COBL: variants seen among roughly 807,000 people sequenced by gnomAD.
The protein encoded by COBL is cordon-bleu WH2 repeat protein.
Under a neutral mutation model 98.8 loss-of-function variants are expected in COBL, and 51 were observed. The ratio of observed to expected loss-of-function variants is 0.52; its 90% CI spans 0.41 to 0.65. COBL has a LOEUF of 0.65. COBL is among the 30% of genes least tolerant of loss of function. The pLI is 0.00. For missense variants in COBL, 1,617 were observed against 1,617.5 expected, an observed-to-expected ratio of 1.00 and a Z score of 0.01; for synonymous variants, 634 against 651.7, an observed-to-expected ratio of 0.97 and a Z score of 0.41.
At chr7:51,068,646 G>C (rs1562868998) in intron 7 of COBL, among the ~76,000 whole-genome samples, 1 of 152,182 alleles carries the variant, frequency 6.6e-6, no homozygotes, top group Non-Finnish European at 1.5e-5. Flanking sequence ...TCGATGGTGA[G>C]TGATGGTTTC....
At chr7:51,243,315 G>A (rs1795977060) in intron 1 of COBL, among the ~76,000 whole-genome samples, 2 of 152,192 alleles carry the variant, frequency 1.3e-5, no homozygotes, top group Admixed American at 6.5e-5. Flanking sequence ...TCCCCCTTAT[G>A]TGCGAGTCAC....
intron 5 of COBL, among the ~76,000 whole-genome samples, chr7:51,158,033 G>A (rs964953254): frequency 3.3e-5 from 5 of 152,170 alleles, no homozygotes; most frequent in African/African-American, 1.2e-4. Flanking sequence ...TGCTGCCCCT[G>A]GGGAAGGAAG....
intron 2 of COBL, among the ~76,000 whole-genome samples, chr7:51,201,221 C>G (rs1311253930): frequency 7.6e-6 from 1 of 131,968 alleles, no homozygotes; most frequent in Non-Finnish European, 1.5e-5. Flanking sequence ...GCCTGGGTGA[C>G]AGAGTGAGAC....
intron 5 of COBL, among the ~76,000 whole-genome samples, chr7:51,145,431 A>T (rs1196787565): frequency 1.4e-5 from 2 of 147,748 alleles, no homozygotes; most frequent in Non-Finnish European, 3.0e-5. Context: ...CCCAGGCTGG[A>T]GTGCAGTGGC....
intron 6 of COBL, among the ~76,000 whole-genome samples, chr7:51,125,849 G>A (rs1053511220): frequency 3.3e-5 from 5 of 152,256 alleles, no homozygotes; most frequent in East Asian, 1.9e-4. Context: ...GCACTGAGAC[G>A]TCACCCCACT....
chr7:51,179,892 TG>T (rs1788773085), intron 5 of COBL, among the ~76,000 whole-genome samples: 1 of 152,224 alleles, frequency 6.6e-6, no homozygotes, highest in East Asian at 1.9e-4. Flanking sequence ...AAATGATTTT[TG>T]TGACTTCTTT....
intron 6 of COBL, among the ~76,000 whole-genome samples, chr7:51,114,111 T>C (rs578216798): frequency 2.6e-5 from 4 of 152,180 alleles, no homozygotes; most frequent in Non-Finnish European, 5.9e-5. Flanking sequence ...TCTCCACCTT[T>C]ATATGTGCAG....
At chr7:51,176,069 T>C (rs1372093893) in intron 5 of COBL, among the ~76,000 whole-genome samples, 2 of 152,184 alleles carry the variant, frequency 1.3e-5, no homozygotes, top group East Asian at 1.9e-4. Flanking sequence ...ACAGGACAGA[T>C]GGGGCTTGTA....
intron 7 of COBL, among the ~76,000 whole-genome samples, chr7:51,061,972 C>CACACACACACAT (rs1298544857): frequency 1.3e-5 from 2 of 151,694 alleles, no homozygotes; most frequent in Non-Finnish European, 2.9e-5. Context: ...CACACACACA[C>CACACACACACAT]ACACACACAC....
chr7:51,078,642 T>C (rs946938919), intron 7 of COBL, among the ~76,000 whole-genome samples: 31 of 152,348 alleles, frequency 2.0e-4, no homozygotes, highest in African/African-American at 7.2e-4. Flanking sequence ...TATTCCATAG[T>C]TTCTGTGAGT....
chr7:51,162,839 C>T (rs968253619), intron 5 of COBL, among the ~76,000 whole-genome samples: 26 of 152,236 alleles, frequency 1.7e-4, no homozygotes, highest in African/African-American at 6.0e-4. Flanking sequence ...CCTCTGTGCT[C>T]ATCAGAGATT....
At chr7:51,258,528 C>T (rs1395159969) in intron 1 of COBL, among the ~76,000 whole-genome samples, 2 of 152,200 alleles carry the variant, frequency 1.3e-5, no homozygotes, top group South Asian at 2.1e-4. Flanking sequence ...ATGAGAGGTG[C>T]TTGCCATGAA....
At chr7:51,085,846 C>A (rs1229647734) in intron 6 of COBL, among the ~76,000 whole-genome samples, 2 of 152,190 alleles carry the variant, frequency 1.3e-5, no homozygotes, top group African/African-American at 4.8e-5. Flanking sequence ...CAGGTGGACA[C>A]ATCTTGATCC....
intron 5 of COBL, among the ~76,000 whole-genome samples, chr7:51,174,477 T>C (rs531104705): frequency 2.6e-5 from 4 of 152,170 alleles, no homozygotes; most frequent in South Asian, 2.1e-4. Flanking sequence ...AGGAAAGTGA[T>C]AAATGAAAGA....
chr7:51,165,237 T>TAAA (rs560029721), intron 5 of COBL, among the ~76,000 whole-genome samples: 54 of 151,878 alleles, frequency 3.6e-4, no homozygotes, highest in African/African-American at 1.3e-3. Context: ...ACTTCACCTA[T>TAAA]AAAAATACAC....
chr7:51,234,217 C>T (rs1795024482), intron 1 of COBL, among the ~76,000 whole-genome samples: 2 of 152,182 alleles, frequency 1.3e-5, no homozygotes, highest in Admixed American at 1.3e-4. Flanking sequence ...ACTGGGCCTC[C>T]CAGAGGATCC....
chr7:51,288,113 T>C (rs1432428813), intron 1 of COBL, among the ~76,000 whole-genome samples: 1 of 152,140 alleles, frequency 6.6e-6, no homozygotes, highest in African/African-American at 2.4e-5. Context: ...CTGGACTCCA[T>C]TTTGGTTTAA....
At chr7:51,280,743 C>T (rs1799748264) in intron 1 of COBL, among the ~76,000 whole-genome samples, 1 of 152,130 alleles carries the variant, frequency 6.6e-6, no homozygotes, top group Non-Finnish European at 1.5e-5. Flanking sequence ...TCCTGGGTGG[C>T]TTTAAGAACT....
intron 7 of COBL, among the ~76,000 whole-genome samples, chr7:51,051,316 T>C (rs1420190998): frequency 2.0e-5 from 3 of 152,254 alleles, no homozygotes; most frequent in African/African-American, 7.2e-5. Flanking sequence ...CTGTGGATTT[T>C]TAAAATTTTT....
Sources: gnomAD v4.1 joint callset for allele counts (sites outside exome capture counted in the v4.1 genomes callset) on GRCh38, gnomAD v4.1.1 for gene constraint, MANE v1.5 for transcripts, NCBI Gene and HGNC (gene_info 2026-07-23, HGNC 2026-07-21) for gene names.